NUP43: variants seen among roughly 807,000 people sequenced by gnomAD.
The protein encoded by NUP43 is nucleoporin 43, also known as nucleoporin Nup43.
Under a neutral mutation model 47.3 loss-of-function variants are expected in NUP43, and 32 were observed. The observed-to-expected ratio is 0.68, with a 90% confidence interval of 0.51 to 0.91. NUP43 has a LOEUF of 0.91. Ranked by LOEUF, NUP43 falls within the 40% of genes least tolerant of loss-of-function variation. The pLI, the probability that NUP43 is intolerant of heterozygous loss-of-function variation, is 0.00. For missense variants in NUP43, 444 were observed against 453.9 expected, an observed-to-expected ratio of 0.98 and a Z score of 0.20; for synonymous variants, 147 against 158.4, an observed-to-expected ratio of 0.93 and a Z score of 0.54.
intron 4 of NUP43, among the ~76,000 whole-genome samples, chr6:149,741,771 C>G (rs979275295): frequency 2.8e-4 from 43 of 152,198 alleles, no homozygotes; most frequent in African/African-American, 1.0e-3. Context: ...TCCCAAAGTG[C>G]TGGGGTAACA....
In NUP43 at chr6:149,742,437, C is replaced by T. The variant is rs201648123; in HGVS notation, c.455G>A (p.Arg152Gln). 17 of 1,614,134 alleles carry T rather than the reference C, an allele frequency of 1.1e-5. No individual in the cohort carries two copies. The highest frequency in any genetic ancestry group is 4.5e-5 in the East Asian group (2 of 44,886). ...GTGATCAGCTCTGAAGAGATTTATT[C>T]GACCATCCTCTCCAACTGTAACGAT... ...PEIVTVGEDGRINLFRADHKE... is the reference protein window; with the variant it reads ...PEIVTVGEDGQINLFRADHKE... Residue 152 changes from arginine to glutamine, a missense_variant, in exon 4 of 8, where the codon CGA becomes CAA. Arg to Gln is a conservative substitution (Grantham distance 43). Transcript: ENST00000340413.
intron 4 of NUP43, among the ~76,000 whole-genome samples, chr6:149,741,373 A>ACC (rs1196185733): frequency 8.6e-5 from 13 of 151,868 alleles, no homozygotes; most frequent in Non-Finnish European, 1.6e-4. Context: ...GGGGTTTTGC[A>ACC]ATATTGGTCA....
rs550197189 is a variant in NUP43 at position 149,741,962 on chromosome 6, G to A, written c.502+428C>T. On this transcript the variant is annotated intron_variant, in intron 4 of 7. Coordinates refer to ENST00000340413, the MANE Select transcript of NUP43 (RefSeq NM_198887.3). ...CAACCTCCACCTCTCAGGTTCAAGC[G>A]ATTCTCCTGCCTCAGCCTCCTGAGT... is the stretch of plus-strand genomic sequence containing the variant. Among the ~76,000 whole-genome samples the A allele has an allele frequency of 1.4e-4, 22 of 152,166 alleles. No individual in the cohort carries two copies. The East Asian group carries it at 3.1e-3, about 21-fold the overall frequency.
rs1249561500 is a variant in NUP43, at chr6:149,732,052, C to T, written c.791-317G>A. Among the ~76,000 whole-genome samples the T allele has an allele frequency of 2.7e-5, 4 of 150,514 alleles. No homozygotes were observed. In the East Asian group the frequency reaches 5.9e-4, roughly 22 times the overall value. On this transcript the variant is annotated intron_variant, in intron 6 of 7. Coordinates refer to ENST00000340413, the MANE Select transcript of NUP43 (RefSeq NM_198887.3). ...CAAAAGTTAGCCAGGCGTGGTGGCG[C>T]GTGCTTGTAGTCCCAGCTACTTAGG...
chr6:149,727,779 T>G, intron 7 of NUP43: 1 of 984,228 alleles, frequency 1.0e-6, no homozygotes, highest in Non-Finnish European at 1.2e-6. Flanking sequence ...TTATAAGGTT[T>G]TATCTCTAAC....
intron 6 of NUP43, among the ~76,000 whole-genome samples, chr6:149,732,763 T>C (rs1785123820): frequency 1.3e-5 from 2 of 152,064 alleles, no homozygotes; most frequent in Admixed American, 1.3e-4. Context: ...GGAGAATTGC[T>C]TGAACCCGGG....
intron 6 of NUP43, among the ~76,000 whole-genome samples, chr6:149,732,501 C>T (rs1001733384): frequency 1.4e-5 from 2 of 142,180 alleles, no homozygotes; most frequent in African/African-American, 5.3e-5. Flanking sequence ...GAGCCAACAT[C>T]ACACCATTGC....
Position 149,732,981 on chromosome 6 carries a change from G to A in NUP43, c.791-1246C>T, listed in dbSNP as rs541880309. On this transcript the variant is annotated intron_variant, in intron 6 of 7. Transcript: ENST00000340413. Reference sequence around the variant, plus strand: ...TGTCTACCTTGGTCTTCTACTCCTGGCGTCAAGCAATCCTCCTGCCTCAGC... The same window carrying A: ...TGTCTACCTTGGTCTTCTACTCCTGACGTCAAGCAATCCTCCTGCCTCAGC... 4.6e-5 allele frequency among the ~76,000 whole-genome samples: 7 copies of A among 151,962 alleles called. No homozygotes were observed. The South Asian group carries it at 1.5e-3, about 32-fold the overall frequency.
intron 6 of NUP43, among the ~76,000 whole-genome samples, chr6:149,733,606 T>A (rs1304756833): frequency 6.6e-6 from 1 of 152,060 alleles, no homozygotes; most frequent in African/African-American, 2.4e-5. Context: ...TCACCATACC[T>A]GGCTAACTTT....
chr6:149,746,109 T>C (rs1333772331), intron 1 of NUP43, 47 bp from the exon 2 acceptor site: 1 of 1,595,148 alleles, frequency 6.3e-7, no homozygotes, highest in Non-Finnish European at 8.5e-7. Context: ...ACGTCAACTC[T>C]CGGAAAATAA....
At chr6:149,746,100 C>T (rs1384329825) in intron 1 of NUP43, 38 bp from the exon 2 acceptor site, 1 of 1,598,432 alleles carries the variant, frequency 6.3e-7, no homozygotes, top group African/African-American at 1.4e-5. Flanking sequence ...ATGACATAAA[C>T]GTCAACTCTC....
rs756837081 is a variant in NUP43 at position 149,736,515 on chromosome 6, T to C, written c.746A>G (p.Gln249Arg). 6.2e-7 allele frequency: 1 copy of C among 1,610,948 alleles called. No individual in the cohort carries two copies. Among genetic ancestry groups the C allele is most frequent in the African/African-American group, 1.3e-5 (1 of 74,906 alleles). ...CAGCAGAGATACAGGCATAGTACCT[T>C]GTCTAACATCCCAAATACTCAACAT... Reference protein sequence around the residue: ...DGMLSIWDVRQGTMPVSLLKA... With the variant: ...DGMLSIWDVRRGTMPVSLLKA... Residue 249 changes from glutamine to arginine, a missense_variant, in exon 6 of 8, where the codon CAA (glutamine) becomes CGA (arginine). Transcript: ENST00000340413.
Position 149,726,725 on chromosome 6 carries a change from A to G in NUP43, c.*244T>C. ...CTCTGAAGGCAACCTATTCATCAGC[A>G]CCAGAATCCCACTGATTTTCTTCCA... On this transcript the variant is annotated 3_prime_UTR_variant, in exon 8 of 8. Transcript: ENST00000340413. 3.9e-6 allele frequency: 2 copies of G among 511,412 alleles called. No homozygotes were observed. The highest frequency in any genetic ancestry group is 6.9e-5 in the East Asian group (2 of 28,782). 31.7% of individuals were successfully genotyped at this position (511,412 alleles called of 1,614,324 possible). A position where few individuals can be genotyped will look rare whatever the true frequency, so the allele number is the denominator to read the frequency against.
chr6:149,733,405 T>C (rs535924085), intron 6 of NUP43, among the ~76,000 whole-genome samples: 10 of 152,172 alleles, frequency 6.6e-5, no homozygotes, highest in East Asian at 1.9e-4. Flanking sequence ...TTTAGGAACA[T>C]AGGTCAGTGA....
At chr6:149,742,266 T>C in intron 4 of NUP43, 124 bp downstream of exon 4, 11 of 774,740 alleles carry the variant, frequency 1.4e-5, no homozygotes, top group South Asian at 1.1e-4. Context: ...CCTCAGGTGA[T>C]CCACCTGCCT....
In NUP43 at chr6:149,738,820, T is replaced by G. The variant is rs765862540; in HGVS notation, c.503-42A>C. Reference sequence around the variant, plus strand: ...TGGTAGTATGTGTTAATGAGTCCCCTTTTTTTCCCAAGAAAATCTTAAATC... The same window carrying G: ...TGGTAGTATGTGTTAATGAGTCCCCGTTTTTTCCCAAGAAAATCTTAAATC... On this transcript the variant is annotated intron_variant, in intron 4 of 7. Transcript: ENST00000340413. 6 of 1,268,896 alleles carry G rather than the reference T, an allele frequency of 4.7e-6. No individual in the cohort carries two copies. In the East Asian group the frequency reaches 1.1e-4, roughly 23 times the overall value. 78.6% of individuals were successfully genotyped at this position (1,268,896 alleles called of 1,614,324 possible).
In NUP43 at chr6:149,746,356, G is replaced by T. The variant is rs748046913; in HGVS notation, c.120+20C>A. 11 of 1,612,032 alleles carry T rather than the reference G, an allele frequency of 6.8e-6. No individual in the cohort carries two copies. The highest frequency in any genetic ancestry group is 4.0e-5 in the African/African-American group (3 of 74,846). ...GGAGAGAGGGAGGAGGTAGGGGCTCGTCCCTATCAGCGGCGATACCTCATT... is the reference window on the plus strand; with the variant it reads ...GGAGAGAGGGAGGAGGTAGGGGCTCTTCCCTATCAGCGGCGATACCTCATT... On this transcript the variant is annotated intron_variant, in intron 1 of 7. Transcript: ENST00000340413.
upstream of NUP43, among the ~76,000 whole-genome samples, chr6:149,747,134 G>C (rs956375765): frequency 1.3e-5 from 2 of 152,160 alleles, no homozygotes; most frequent in Non-Finnish European, 2.9e-5. Context: ...CCAGGAATCA[G>C]TTTTCTAGGT....
chr6:149,737,007 G>A (rs1186256596), intron 5 of NUP43, among the ~76,000 whole-genome samples: 1 of 151,824 alleles, frequency 6.6e-6, no homozygotes, highest in Non-Finnish European at 1.5e-5. Flanking sequence ...TATTTTTTAA[G>A]AGACCAGGCT....
Sources: gnomAD v4.1 joint callset for allele counts (sites outside exome capture counted in the v4.1 genomes callset) on GRCh38, gnomAD v4.1.1 for gene constraint, MANE v1.5 for transcripts, NCBI Gene and HGNC (gene_info 2026-07-23, HGNC 2026-07-21) for gene names.